Variants in SLCO3A1 observed in about 807,000 individuals in gnomAD.
SLCO3A1 encodes solute carrier organic anion transporter family member 3A1.
Under a neutral mutation model 63.1 loss-of-function variants are expected in SLCO3A1, and 27 were observed. The ratio of observed to expected loss-of-function variants is 0.43; its 90% CI spans 0.32 to 0.59. The LOEUF (loss-of-function observed/expected upper bound fraction) is 0.59. Ranked by LOEUF, SLCO3A1 falls within the 20% of genes least tolerant of loss-of-function variation. The probability of loss-of-function intolerance (pLI) is 0.09; values close to 1 mark genes in which losing one functional copy is unlikely to be tolerated. For synonymous variants in SLCO3A1, 473 were observed against 409.9 expected, an observed-to-expected ratio of 1.15 and a Z score of -1.86; for missense variants, 773 against 945.8, an observed-to-expected ratio of 0.82 and a Z score of 2.40.
intron 2 of SLCO3A1, among the ~76,000 whole-genome samples, chr15:91,962,921 C>G (rs185021549): frequency 6.6e-6 from 1 of 151,896 alleles, no homozygotes; most frequent in Non-Finnish European, 1.5e-5. Flanking sequence ...TATATACTTT[C>G]TAAGCTGTAT....
chr15:91,872,127 G>A lies in SLCO3A1; in HGVS notation c.180+18039G>A, dbSNP rs1567165177. ...GAATTGCCTTCGTCGAGGATGTGGT[G>A]TGTGCCCGGGAGGACACAAGCAGTC... On this transcript the variant is annotated intron_variant, in intron 1 of 9. Transcript: ENST00000318445. The surrounding 1 kb of genome is among the most constrained non-coding windows in gnomAD (Gnocchi z 4.1). 6.6e-6 allele frequency among the ~76,000 whole-genome samples: 1 copy of A among 152,168 alleles called. No individual in the cohort carries two copies. Among genetic ancestry groups the A allele is most frequent in the Admixed American group, 6.5e-5 (1 of 15,278 alleles).
rs992513087 is a variant in SLCO3A1 at position 91,885,116 on chromosome 15, G to A, written c.181-30877G>A. Among the ~76,000 whole-genome samples the A allele has an allele frequency of 6.6e-6, 1 of 152,162 alleles. No individual in the cohort carries two copies. Among genetic ancestry groups the A allele is most frequent in the South Asian group, 2.1e-4 (1 of 4,832 alleles). ...GACACAGAAAGGAGGTGATGGGGGT[G>A]GTGCTGAGCCTGCCCGCCTGCTCTG... On this transcript the variant is annotated intron_variant, in intron 1 of 9. Coordinates refer to ENST00000318445, the MANE Select transcript of SLCO3A1 (RefSeq NM_013272.4). This position sits in a 1 kb window ranked among gnomAD's most constrained non-coding sequence, Gnocchi z 4.7.
chr15:91,986,488 CAGAA>C (rs912523967), intron 2 of SLCO3A1, among the ~76,000 whole-genome samples: 1 of 151,272 alleles, frequency 6.6e-6, no homozygotes, highest in African/African-American at 2.4e-5. Context: ...TTAAAGTATG[CAGAA>C]AGAAGTAAAA....
rs944446858 is a variant in SLCO3A1 at position 92,165,231 on chromosome 15, C to G, written c.*2096C>G. On this transcript the variant is annotated 3_prime_UTR_variant, in exon 10 of 10. Coordinates refer to ENST00000318445, the MANE Select transcript of SLCO3A1 (RefSeq NM_013272.4). Reference sequence around the variant, plus strand: ...GATGCTTCTGAGACAGGCCTTTCAACTGCTTAGTGTTAGTATGTCCTTGCT... The same window carrying G: ...GATGCTTCTGAGACAGGCCTTTCAAGTGCTTAGTGTTAGTATGTCCTTGCT... 27 of 985,108 alleles carry G rather than the reference C, an allele frequency of 2.7e-5. No individual in the cohort carries two copies. Among genetic ancestry groups the G allele is most frequent in the Middle Eastern group, 1.0e-3 (2 of 1,936 alleles). 61.0% of individuals were successfully genotyped at this position (985,108 alleles called of 1,614,324 possible).
At chr15:91,980,144 C>G (rs1396122536) in intron 2 of SLCO3A1, among the ~76,000 whole-genome samples, 7 of 152,156 alleles carry the variant, frequency 4.6e-5, no homozygotes, top group African/African-American at 1.7e-4. Context: ...CAAGTCCTCT[C>G]GGCCTCAGCT....
chr15:92,070,082 G>A (rs1009221058), intron 2 of SLCO3A1, among the ~76,000 whole-genome samples: 2 of 152,214 alleles, frequency 1.3e-5, no homozygotes, highest in South Asian at 2.1e-4. Context: ...CTCCCAAAGA[G>A]GCGGAGGCAG....
In SLCO3A1 at chr15:92,034,893, G is replaced by A. The variant is rs1030078758; in HGVS notation, c.647-59988G>A. On this transcript the variant is annotated intron_variant, in intron 2 of 9. Coordinates refer to ENST00000318445, the MANE Select transcript of SLCO3A1 (RefSeq NM_013272.4). ...CTGATAGCTCTAACTGTCATTCGCT[G>A]ATTTCCTGTTTAATCTGTCAAGTGA... Among the ~76,000 whole-genome samples the A allele has an allele frequency of 2.0e-4, 30 of 151,928 alleles. 1 individual carries two copies. The highest frequency in any genetic ancestry group is 6.8e-4 in the African/African-American group (28 of 41,414).
At chr15:92,118,896 C>G (rs1052346407) in intron 4 of SLCO3A1, among the ~76,000 whole-genome samples, 6 of 152,208 alleles carry the variant, frequency 3.9e-5, no homozygotes, top group Admixed American at 2.0e-4. Context: ...GAAACCACCT[C>G]TATAATTTTT....
chr15:92,087,706 C>T (rs1002949157), intron 2 of SLCO3A1, among the ~76,000 whole-genome samples: 4 of 151,648 alleles, frequency 2.6e-5, no homozygotes, highest in Admixed American at 6.6e-5. Flanking sequence ...TTAGTAGAGT[C>T]GGGGTTGTCT....
intron 1 of SLCO3A1, among the ~76,000 whole-genome samples, chr15:91,914,734 G>A (rs868396405): frequency 6.6e-6 from 1 of 151,832 alleles, no homozygotes; most frequent in Non-Finnish European, 1.5e-5. Flanking sequence ...ACCACGCCTC[G>A]CTAAATTGTG....
At position 92,165,152 on chromosome 15, in the gene SLCO3A1, A is replaced by G. The variant is rs574115403; in HGVS notation, c.*2017A>G. On this transcript the variant is annotated 3_prime_UTR_variant, in exon 10 of 10. Coordinates refer to ENST00000318445, the MANE Select transcript of SLCO3A1 (RefSeq NM_013272.4). ...GAGAAGGCACTCAGCAAGACCAACC[A>G]AAAGAAAAGCTGTGTCGTGGTATGG... The G allele has an allele frequency of 9.2e-5, 91 of 985,460 alleles. No homozygotes were observed. The African/African-American group carries it at 1.5e-3, about 16-fold the overall frequency. The allele number at this position is 985,460 out of a possible 1,614,324, so 61.0% of individuals were successfully genotyped here. A position where few individuals can be genotyped will look rare whatever the true frequency, so the allele number is the denominator to read the frequency against.
chr15:91,996,704 A>G (rs2046196604), intron 2 of SLCO3A1, among the ~76,000 whole-genome samples: 2 of 152,202 alleles, frequency 1.3e-5, no homozygotes, highest in South Asian at 4.1e-4. Context: ...ACATATACAG[A>G]CAGCTAAATG....
intron 2 of SLCO3A1, among the ~76,000 whole-genome samples, chr15:92,040,272 G>T (rs1387412538): frequency 6.6e-6 from 1 of 152,122 alleles, no homozygotes; most frequent in Non-Finnish European, 1.5e-5. Flanking sequence ...TACTAATTTT[G>T]CATCTGTCAC....
chr15:92,071,200 A>T (rs1301415735), intron 2 of SLCO3A1, among the ~76,000 whole-genome samples: 1 of 152,146 alleles, frequency 6.6e-6, no homozygotes, highest in African/African-American at 2.4e-5. Context: ...GGGGCACGTG[A>T]CCTGAGATGG....
At chr15:91,961,652 T>G (rs1900450372) in intron 2 of SLCO3A1, among the ~76,000 whole-genome samples, 1 of 152,226 alleles carries the variant, frequency 6.6e-6, no homozygotes, top group Admixed American at 6.5e-5. Flanking sequence ...CCCCTGCTTG[T>G]GGGTCTTCCC....
intron 2 of SLCO3A1, among the ~76,000 whole-genome samples, chr15:92,088,524 G>A (rs1452270943): frequency 6.6e-6 from 1 of 152,176 alleles, no homozygotes; most frequent in South Asian, 2.1e-4. Context: ...TGCAAACTTA[G>A]TGTAAAACAC....
chr15:92,029,910 G>C (rs1388853030), intron 2 of SLCO3A1, among the ~76,000 whole-genome samples: 1 of 151,974 alleles, frequency 6.6e-6, no homozygotes, highest in Non-Finnish European at 1.5e-5. Flanking sequence ...AAGAGTCTGT[G>C]AACCAAAAGG....
intron 2 of SLCO3A1, among the ~76,000 whole-genome samples, chr15:92,007,983 A>T (rs2046330020): frequency 6.6e-6 from 1 of 152,162 alleles, no homozygotes; most frequent in Admixed American, 6.5e-5. Context: ...GGTGATTTCG[A>T]ACCTACAGGT....
At chr15:91,990,817 A>C (rs956898485) in intron 2 of SLCO3A1, among the ~76,000 whole-genome samples, 1 of 152,060 alleles carries the variant, frequency 6.6e-6, no homozygotes, top group African/African-American at 2.4e-5. Flanking sequence ...TCTTAAACTC[A>C]AATGCCTCCA....
Sources: allele counts gnomAD v4.1 joint callset (sites outside exome capture counted in the v4.1 genomes callset), GRCh38; gene constraint gnomAD v4.1.1; non-coding constraint Gnocchi (gnomAD v3.1); transcripts MANE v1.5; gene names NCBI Gene and HGNC (gene_info 2026-07-23, HGNC 2026-07-21).